ZBTB49: variants seen among roughly 807,000 people sequenced by gnomAD.
The protein encoded by ZBTB49 is zinc finger and BTB domain containing 49, also known as zinc finger and BTB domain-containing protein 49.
Under a neutral mutation model 57.5 loss-of-function variants are expected in ZBTB49, and 43 were observed. That is an observed-to-expected ratio of 0.75 (90% CI 0.59 to 0.97). The LOEUF is 0.97. Among genes scored for constraint, ZBTB49 ranks in the 50% least tolerant of loss-of-function variants. ZBTB49 has a pLI of 0.00. For synonymous variants in ZBTB49, 369 were observed against 362.1 expected (o/e 1.02, Z -0.22); for missense variants, 938 against 947.7 (o/e 0.99, Z 0.13).
At position 4,320,837 on chromosome 4, in the gene ZBTB49, G is replaced by A. The variant is rs372045936; in HGVS notation, c.1819G>A (p.Asp607Asn). ...GCTCAGCCAAGCCATCGAGACCTCC[G>A]ACCTCGAGAAATCTCAGAGCTCAGA... The part of the protein sequence containing the change: ...EELSQAIETS[D>N]LEKSQSSDSF... The change falls in exon 8 of 8, where the codon GAC (aspartate) becomes AAC (asparagine). Residue 607 changes from aspartate to asparagine, a missense_variant. Coordinates refer to ENST00000337872, the MANE Select transcript of ZBTB49 (RefSeq NM_145291.4). 2.9e-5 allele frequency: 47 copies of A among 1,614,152 alleles called. No individual in the cohort carries two copies. Among genetic ancestry groups the A allele is most frequent in the African/African-American group, 8.0e-5 (6 of 75,044 alleles).
Position 4,315,930 on chromosome 4 carries a change from T to TCGGCA in ZBTB49, c.1583_1587dup (p.Thr530GlyfsTer96). 1 of 1,614,104 alleles carries TCGGCA rather than the reference T, an allele frequency of 6.2e-7. No individual in the cohort carries two copies. Among genetic ancestry groups the TCGGCA allele is most frequent in the Non-Finnish European group, 8.5e-7 (1 of 1,180,008 alleles). On this transcript the variant is annotated frameshift_variant, in exon 7 of 8. Transcript: ENST00000337872. LOFTEE classifies it low-confidence loss of function (END_TRUNC). Reference sequence around the variant, plus strand: ...AAAGGAAGTTAGTAAAGCACAGAATTCGGCACACGGGGGAGCGGCCTTACA... The same window carrying TCGGCA: ...AAAGGAAGTTAGTAAAGCACAGAATTCGGCACGGCACACGGGGGAGCGGCCTTACA...
At chr4:4,319,519 T>C (rs999766324) in intron 7 of ZBTB49, among the ~76,000 whole-genome samples, 15 of 152,268 alleles carry the variant, frequency 9.9e-5, no homozygotes, top group African/African-American at 3.6e-4. Context: ...GCATAACATT[T>C]TGTTAAAAGC....
chr4:4,291,443 C>G (rs77647887), intron 1 of ZBTB49, among the ~76,000 whole-genome samples: 3 of 152,198 alleles, frequency 2.0e-5, no homozygotes, highest in Non-Finnish European at 2.9e-5. Context: ...AACTTAATTA[C>G]CTTCTTACAA....
chr4:4,298,730 C>T (rs1241364779), intron 1 of ZBTB49, among the ~76,000 whole-genome samples: 1 of 152,134 alleles, frequency 6.6e-6, no homozygotes, highest in Admixed American at 6.5e-5. Context: ...ACGCCTAGTG[C>T]AGACTGCCTA....
chr4:4,318,214 C>A (rs978739697), intron 7 of ZBTB49, among the ~76,000 whole-genome samples: 4 of 152,236 alleles, frequency 2.6e-5, no homozygotes, highest in Admixed American at 2.6e-4. Context: ...GGTGGAAACT[C>A]TGTCATGACT....
Position 4,315,868 on chromosome 4 carries a change from T to C in ZBTB49, c.1519T>C (p.Phe507Leu). Residue 507 changes from phenylalanine to leucine, a missense_variant, in exon 7 of 8, where the codon TTC becomes CTC. Physicochemically the swap from Phe to Leu is conservative, Grantham distance 22. Coordinates refer to ENST00000337872, the MANE Select transcript of ZBTB49 (RefSeq NM_145291.4). ...HKKTHTADKVFTCDECGKSFN... is the reference protein window; with the variant it reads ...HKKTHTADKVLTCDECGKSFN... ...AAAGACACACACGGCTGATAAAGTC[T>C]TCACCTGTGATGAGTGTGGAAAGTC... The C allele has an allele frequency of 1.2e-6, 2 of 1,614,254 alleles. No individual in the cohort carries two copies. Among genetic ancestry groups the C allele is most frequent in the South Asian group, 1.1e-5 (1 of 91,088 alleles).
intron 2 of ZBTB49, among the ~76,000 whole-genome samples, chr4:4,301,177 G>T (rs921171615): frequency 6.6e-6 from 1 of 152,194 alleles, no homozygotes; most frequent in Non-Finnish European, 1.5e-5. Flanking sequence ...CAGAACTGAA[G>T]GCTGTTTGGG....
rs1300279284 is a variant in ZBTB49 at position 4,315,627 on chromosome 4, AC to A, written c.1377-8del. On this transcript the variant is annotated splice_polypyrimidine_tract_variant and splice_region_variant and intron_variant, in intron 5 of 7. Coordinates refer to ENST00000337872, the MANE Select transcript of ZBTB49 (RefSeq NM_145291.4). ...AGGCTCTTAATTGAATTTTCAAATTACATTCTAGGTTTGCAGCCTCTGGCGA... is the reference window on the plus strand; with the variant it reads ...AGGCTCTTAATTGAATTTTCAAATTAATTCTAGGTTTGCAGCCTCTGGCGA... 3 of 1,613,512 alleles carry A rather than the reference AC, an allele frequency of 1.9e-6. No homozygotes were observed. Among genetic ancestry groups the A allele is most frequent in the African/African-American group, 1.3e-5 (1 of 74,924 alleles).
intron 1 of ZBTB49, among the ~76,000 whole-genome samples, chr4:4,291,711 A>G (rs1719931241): frequency 6.6e-6 from 1 of 152,178 alleles, no homozygotes; most frequent in African/African-American, 2.4e-5. Context: ...TGAATACTCA[A>G]AGAAAGTGAG....
At chr4:4,318,017 C>CTGTAT (rs1721259509) in intron 7 of ZBTB49, among the ~76,000 whole-genome samples, 1 of 152,182 alleles carries the variant, frequency 6.6e-6, no homozygotes, top group Non-Finnish European at 1.5e-5. Flanking sequence ...GGTGGCAGCC[C>CTGTAT]TCAGGCCTGT....
intron 4 of ZBTB49, among the ~76,000 whole-genome samples, chr4:4,307,500 A>G (rs1205072759): frequency 6.6e-6 from 1 of 152,206 alleles, no homozygotes; most frequent in Non-Finnish European, 1.5e-5. Context: ...ACGGATAACA[A>G]GATTAGTTAA....
At chr4:4,303,646 C>T (rs565685235) in intron 3 of ZBTB49, among the ~76,000 whole-genome samples, 1 of 151,750 alleles carries the variant, frequency 6.6e-6, no homozygotes, top group South Asian at 2.1e-4. Flanking sequence ...AAAATTCTTC[C>T]AATTTAAACA....
rs555180567 is a variant in ZBTB49, at chr4:4,302,808, A to G, written c.972A>G (p.Val324=). 4.3e-6 allele frequency: 7 copies of G among 1,614,170 alleles called. No individual in the cohort carries two copies. In the African/African-American group the frequency reaches 9.3e-5, roughly 22 times the overall value. ...AGTCACAGAAATACGCAGAGCAAGT[A>G]TCTGAACCCAAGTCAGATGATGGTT... The part of the protein sequence containing the change: ...FLKSQKYAEQ[V]SEPKSDDGLT... Residue 324 remains valine, a synonymous_variant, in exon 3 of 8, where the codon GTA becomes GTG. Coordinates refer to ENST00000337872, the MANE Select transcript of ZBTB49 (RefSeq NM_145291.4).
At position 4,306,193 on chromosome 4, in the gene ZBTB49, A is replaced by C. The variant is rs1406520897; in HGVS notation, c.1302+9A>C. On this transcript the variant is annotated intron_variant, in intron 4 of 7. Transcript: ENST00000337872. ...GGAAACATTTCTCTCAGGTGGGAAT[A>C]CTCTTATTTATTGTTAATAATTGGA... 2 of 1,610,000 alleles carry C rather than the reference A, an allele frequency of 1.2e-6. No homozygotes were observed. The highest frequency in any genetic ancestry group is 2.7e-5 in the African/African-American group (2 of 74,726).
intron 7 of ZBTB49, 122 bp downstream of exon 7, chr4:4,316,092 G>T: frequency 7.9e-7 from 1 of 1,273,152 alleles, no homozygotes. Flanking sequence ...TTTTTTTATT[G>T]CCTCACATGA....
At position 4,320,799 on chromosome 4, in the gene ZBTB49, A is replaced by G; in HGVS notation, c.1781A>G (p.Asp594Gly). The change falls in exon 8 of 8, where the codon GAT becomes GGT. Residue 594 changes from aspartate to glycine, a missense_variant. Asp to Gly is a moderately conservative substitution (Grantham distance 94). Transcript: ENST00000337872. ...TGCAAAGCTGGTGACGAGAGCCCAGATGTGCTGGAGGAGCTCAGCCAAGCC... is the reference window on the plus strand; with the variant it reads ...TGCAAAGCTGGTGACGAGAGCCCAGGTGTGCTGGAGGAGCTCAGCCAAGCC... Reference protein sequence around the residue: ...MHCKAGDESPDVLEELSQAIE... With the variant: ...MHCKAGDESPGVLEELSQAIE... The G allele has an allele frequency of 1.2e-6, 2 of 1,614,168 alleles. No individual in the cohort carries two copies. The highest frequency in any genetic ancestry group is 1.3e-5 in the African/African-American group (1 of 75,034).
chr4:4,312,874 T>C (rs1721032977), intron 4 of ZBTB49, among the ~76,000 whole-genome samples, 167 bp from the exon 5 acceptor site: 2 of 152,216 alleles, frequency 1.3e-5, no homozygotes, highest in African/African-American at 2.4e-5. Flanking sequence ...CTCTGGCTGC[T>C]CTTCACGCTC....
intron 5 of ZBTB49, among the ~76,000 whole-genome samples, chr4:4,315,080 C>A: frequency 6.6e-6 from 1 of 152,184 alleles, no homozygotes; most frequent in South Asian, 2.1e-4. Context: ...AGGGTGACAG[C>A]CATACCTCTT....
At chr4:4,306,535 T>G (rs1017320409) in intron 4 of ZBTB49, among the ~76,000 whole-genome samples, 1 of 152,192 alleles carries the variant, frequency 6.6e-6, no homozygotes, top group Non-Finnish European at 1.5e-5. Flanking sequence ...TGAAGACAAC[T>G]AGGTCTCCTC....
Sources: allele counts gnomAD v4.1 joint callset (sites outside exome capture counted in the v4.1 genomes callset), GRCh38; gene constraint gnomAD v4.1.1; transcripts MANE v1.5; gene names NCBI Gene and HGNC (gene_info 2026-07-23, HGNC 2026-07-21).